RIMS2: variants seen among roughly 807,000 people sequenced by gnomAD.
The protein encoded by RIMS2 is regulating synaptic membrane exocytosis protein 2.
In RIMS2, 59 loss-of-function variants were observed where a neutral mutation model predicts 174.4. That is an observed-to-expected ratio of 0.34 (90% CI 0.27 to 0.42). The LOEUF is 0.42. Among genes scored for constraint, RIMS2 ranks in the 10% least tolerant of loss-of-function variants. RIMS2 has a pLI of 1.00. For synonymous variants in RIMS2, 606 were observed against 572.5 expected (o/e 1.06, Z -0.84); for missense variants, 1,620 against 1,666.3 (o/e 0.97, Z 0.48).
chr8:104,095,365 A>G (rs2097740026), intron 19 of RIMS2, among the ~76,000 whole-genome samples: 1 of 152,156 alleles, frequency 6.6e-6, no homozygotes, highest in Non-Finnish European at 1.5e-5. Context: ...GAAAGAATAG[A>G]TGCCTTAGGG....
At chr8:103,640,234 ACTGT>A (rs1163543309) in intron 1 of RIMS2, among the ~76,000 whole-genome samples, 3 of 151,718 alleles carry the variant, frequency 2.0e-5, no homozygotes, top group Admixed American at 6.6e-5. Context: ...GAAGTGATGG[ACTGT>A]CTTTCATTTT....
intron 19 of RIMS2, among the ~76,000 whole-genome samples, chr8:104,016,048 A>G (rs963647996): frequency 1.3e-5 from 2 of 152,060 alleles, no homozygotes; most frequent in Admixed American, 6.6e-5. Context: ...GAAAATACTG[A>G]ATGGTGATAT....
Position 104,015,688 on chromosome 8 carries a change from C to A in RIMS2, c.3334+1073C>A, listed in dbSNP as rs1183151046. 2.0e-5 allele frequency among the ~76,000 whole-genome samples: 3 copies of A among 151,908 alleles called. No homozygotes were observed. In the East Asian group the frequency reaches 5.8e-4, roughly 29 times the overall value. Reference sequence around the variant, plus strand: ...AATAAGAATGCAAAGAGTTTAAATTCTTTTAAATGACCAGATAAAATGTGC... The same window carrying A: ...AATAAGAATGCAAAGAGTTTAAATTATTTTAAATGACCAGATAAAATGTGC... On this transcript the variant is annotated intron_variant, in intron 19 of 23. Transcript: ENST00000504942.
intron 14 of RIMS2, among the ~76,000 whole-genome samples, chr8:103,954,773 A>C (rs930661837): frequency 6.6e-6 from 1 of 152,186 alleles, no homozygotes; most frequent in Non-Finnish European, 1.5e-5. Flanking sequence ...TGAAGGAGAC[A>C]GAGACACGAA....
At chr8:103,824,457 G>T (rs1415357630) in intron 3 of RIMS2, among the ~76,000 whole-genome samples, 1 of 152,012 alleles carries the variant, frequency 6.6e-6, no homozygotes, top group Non-Finnish European at 1.5e-5. Flanking sequence ...TTTTAGTTTT[G>T]CTTTCAAATT....
chr8:103,695,055 A>C (rs2097082524), intron 1 of RIMS2, among the ~76,000 whole-genome samples: 1 of 152,214 alleles, frequency 6.6e-6, no homozygotes, highest in African/African-American at 2.4e-5. Context: ...AGTTCAAGGC[A>C]GAGTTGAGTG....
intron 19 of RIMS2, among the ~76,000 whole-genome samples, chr8:104,053,339 TA>T (rs1450287978): frequency 6.6e-6 from 1 of 152,214 alleles, no homozygotes; most frequent in Non-Finnish European, 1.5e-5. Context: ...TCAAGTTATA[TA>T]AAAACTCATT....
chr8:104,204,033 T>A (rs1019188386), intron 19 of RIMS2, among the ~76,000 whole-genome samples: 5 of 152,168 alleles, frequency 3.3e-5, no homozygotes, highest in African/African-American at 9.7e-5. Context: ...GCAGAAATAG[T>A]TGATGCAGAA....
intron 3 of RIMS2, among the ~76,000 whole-genome samples, chr8:103,868,839 A>AT (rs2099096052): frequency 6.6e-6 from 1 of 152,120 alleles, no homozygotes; most frequent in South Asian, 2.1e-4. Context: ...ATAGCTACAA[A>AT]TGTAGTCCTA....
At chr8:104,056,183 T>C (rs1006011431) in intron 19 of RIMS2, among the ~76,000 whole-genome samples, 10 of 152,078 alleles carry the variant, frequency 6.6e-5, no homozygotes, top group Non-Finnish European at 5.9e-5. Flanking sequence ...GGCGGGCAGA[T>C]CATGAGGTCA....
chr8:103,656,210 G>A (rs10103024), intron 1 of RIMS2, among the ~76,000 whole-genome samples: 26,924 of 152,040 alleles, frequency 0.18, 2,599 homozygotes, highest in African/African-American at 0.24. Context: ...TAATTGGGTC[G>A]TGATGTTATT....
chr8:104,063,914 G>A (rs369877994), intron 19 of RIMS2, among the ~76,000 whole-genome samples: 7 of 152,210 alleles, frequency 4.6e-5, no homozygotes, highest in Non-Finnish European at 8.8e-5. Context: ...GAGTGTGTGT[G>A]TGTTTGGAAA....
chr8:103,576,668 C>G (rs925573379), intron 1 of RIMS2, among the ~76,000 whole-genome samples: 2 of 152,228 alleles, frequency 1.3e-5, no homozygotes, highest in Non-Finnish European at 2.9e-5. Context: ...TACCTGACTT[C>G]AAACTATACT....
intron 16 of RIMS2, among the ~76,000 whole-genome samples, chr8:103,982,437 A>G (rs2093987968): frequency 7.1e-6 from 1 of 140,906 alleles, no homozygotes; most frequent in South Asian, 2.1e-4. Context: ...ACAAAGACAC[A>G]TAAAAAAAAA....
At chr8:103,562,149 G>A (rs2091688509) in intron 1 of RIMS2, among the ~76,000 whole-genome samples, 1 of 152,170 alleles carries the variant, frequency 6.6e-6, no homozygotes, top group Non-Finnish European at 1.5e-5. Flanking sequence ...CAAATCTTAT[G>A]TCTTCACATT....
At chr8:104,217,574 A>G (rs1254200631) in intron 19 of RIMS2, among the ~76,000 whole-genome samples, 3 of 152,162 alleles carry the variant, frequency 2.0e-5, no homozygotes, top group Admixed American at 6.6e-5. Flanking sequence ...CAGCTTGCAA[A>G]TGTTTTTTGA....
intron 2 of RIMS2, among the ~76,000 whole-genome samples, chr8:103,717,630 T>C (rs6990561): frequency 0.12 from 18,903 of 152,226 alleles, 1,276 homozygotes; most frequent in Middle Eastern, 0.22. Flanking sequence ...CACTTGATGA[T>C]AAAACTCAGC....
chr8:103,692,309 T>C (rs2097038581), intron 1 of RIMS2, among the ~76,000 whole-genome samples: 1 of 152,218 alleles, frequency 6.6e-6, no homozygotes, highest in African/African-American at 2.4e-5. Flanking sequence ...AGTTGCTTCC[T>C]CTTCCCAGAC....
intron 9 of RIMS2, among the ~76,000 whole-genome samples, chr8:103,919,531 G>A (rs2077213713): frequency 6.6e-6 from 1 of 151,714 alleles, no homozygotes; most frequent in Non-Finnish European, 1.5e-5. Flanking sequence ...AGATTAAATA[G>A]AGTCGAGGGT....
Sources: gnomAD v4.1 joint callset for allele counts (sites outside exome capture counted in the v4.1 genomes callset) on GRCh38, gnomAD v4.1.1 for gene constraint, MANE v1.5 for transcripts, NCBI Gene and HGNC (gene_info 2026-07-23, HGNC 2026-07-21) for gene names.